Variants in YEATS4 observed in about 807,000 individuals in gnomAD.
YEATS4 encodes YEATS domain-containing protein 4.
Under a neutral mutation model 30.1 loss-of-function variants are expected in YEATS4, and 17 were observed. The ratio of observed to expected loss-of-function variants is 0.56; its 90% confidence interval spans 0.39 to 0.85. The LOEUF (loss-of-function observed/expected upper bound fraction) is 0.85, where lower values mean the gene tolerates loss of function less well. Ranked by LOEUF, YEATS4 falls within the 40% of genes least tolerant of loss-of-function variation. The pLI is 0.00. For missense variants in YEATS4, 142 were observed against 268.3 expected, an observed-to-expected ratio of 0.53 and a Z score of 3.29; for synonymous variants, 85 against 87.5, an observed-to-expected ratio of 0.97 and a Z score of 0.16.
intron 2 of YEATS4, 29 bp from the exon 3 acceptor site, chr12:69,365,604 A>G (rs965506785): frequency 6.5e-7 from 1 of 1,529,140 alleles, no homozygotes. Context: ...TTTGTAGATC[A>G]TAAAACTAAC....
At chr12:69,418,302 A>T in the YEATS4 span, among the ~76,000 whole-genome samples, 1 of 152,198 alleles carries the variant, frequency 6.6e-6, no homozygotes, top group Non-Finnish European at 1.5e-5. Flanking sequence ...AAATACAAAA[A>T]TTAGCGGGGT....
downstream of YEATS4, among the ~76,000 whole-genome samples, chr12:69,391,429 T>C (rs1006031862): frequency 6.6e-6 from 1 of 152,220 alleles, no homozygotes; most frequent in African/African-American, 2.4e-5. Flanking sequence ...GTCCTCTACT[T>C]TTAGACTCAT....
At chr12:69,367,017 A>G (rs572001199) in intron 4 of YEATS4, among the ~76,000 whole-genome samples, 10 of 152,326 alleles carry the variant, frequency 6.6e-5, no homozygotes, top group South Asian at 2.1e-4. Flanking sequence ...TTGGGACCCA[A>G]TGACGTAGAC....
chr12:69,412,560 G>A, the YEATS4 span, among the ~76,000 whole-genome samples: 1 of 152,162 alleles, frequency 6.6e-6, no homozygotes, highest in Admixed American at 6.5e-5. Flanking sequence ...GGTTGAGGCA[G>A]GAGAATCACT....
At chr12:69,387,328 G>A (rs1413212881) in intron 6 of YEATS4, among the ~76,000 whole-genome samples, 1 of 152,216 alleles carries the variant, frequency 6.6e-6, no homozygotes, top group Non-Finnish European at 1.5e-5. Flanking sequence ...AGTTGATGCA[G>A]TAGGGAAACA....
At chr12:69,379,928 C>T (rs1876011400) in intron 6 of YEATS4, among the ~76,000 whole-genome samples, 1 of 152,078 alleles carries the variant, frequency 6.6e-6, no homozygotes, top group South Asian at 2.1e-4. Context: ...TCAACTCCAG[C>T]ATTTCTGCTC....
chr12:69,395,303 T>G (rs543497060), downstream of YEATS4, among the ~76,000 whole-genome samples: 23 of 150,890 alleles, frequency 1.5e-4, no homozygotes, highest in Admixed American at 1.4e-3. Flanking sequence ...TTATTTACAA[T>G]AAAAAATAGA....
the YEATS4 span, among the ~76,000 whole-genome samples, chr12:69,406,423 G>T: frequency 6.6e-6 from 1 of 152,150 alleles, no homozygotes; most frequent in Non-Finnish European, 1.5e-5. Context: ...CACCCCCTTG[G>T]TTCAAGTGAT....
the YEATS4 span, among the ~76,000 whole-genome samples, chr12:69,405,656 C>T: frequency 2.6e-5 from 4 of 152,152 alleles, no homozygotes; most frequent in Admixed American, 1.3e-4. Flanking sequence ...GACTAATAGG[C>T]GGGTAATGCA....
intron 6 of YEATS4, among the ~76,000 whole-genome samples, chr12:69,379,074 C>G (rs1875973088): frequency 6.6e-6 from 1 of 152,186 alleles, no homozygotes; most frequent in Non-Finnish European, 1.5e-5. Flanking sequence ...AAATGTCATG[C>G]CACTTTCTAC....
chr12:69,367,621 C>A (rs557441429), intron 4 of YEATS4, among the ~76,000 whole-genome samples: 86 of 152,336 alleles, frequency 5.6e-4, no homozygotes, highest in African/African-American at 1.9e-3. Context: ...TCGCCTTGCC[C>A]TCCCAAGGTG....
intron 6 of YEATS4, among the ~76,000 whole-genome samples, chr12:69,372,537 GTT>G (rs71094710): frequency 1.6e-5 from 2 of 123,034 alleles, no homozygotes; most frequent in Admixed American, 9.1e-5. Flanking sequence ...TATCTCATGA[GTT>G]TTTTTTTTTT....
At chr12:69,422,778 A>G in the YEATS4 span, 1 of 153,480 alleles carries the variant, frequency 6.5e-6, no homozygotes, top group African/African-American at 2.4e-5. Context: ...CGTCATTAAA[A>G]ACAAAGTAGA....
At chr12:69,393,569 GAAAAGA>G (rs1326741825), downstream of YEATS4, among the ~76,000 whole-genome samples, 10 of 109,116 alleles carry the variant, frequency 9.2e-5, no homozygotes, top group Admixed American at 8.3e-4. Context: ...AATTGATAAA[GAAAAGA>G]AAAAAAAAAA....
chr12:69,405,046 A>G, the YEATS4 span, among the ~76,000 whole-genome samples: 2 of 152,200 alleles, frequency 1.3e-5, no homozygotes, highest in Non-Finnish European at 2.9e-5. Flanking sequence ...GGATAGAGTA[A>G]TCTTGTCTCT....
chr12:69,373,866 A>G (rs1211414177), intron 6 of YEATS4, among the ~76,000 whole-genome samples: 1 of 152,178 alleles, frequency 6.6e-6, no homozygotes, highest in African/African-American at 2.4e-5. Context: ...TCCTGGCACT[A>G]TTTATTGAAG....
chr12:69,401,430 A>G, the YEATS4 span, among the ~76,000 whole-genome samples: 148 of 152,244 alleles, frequency 9.7e-4, 2 homozygotes, highest in East Asian at 0.012. Flanking sequence ...AGCATGAGTA[A>G]AGGGCTAGCA....
rs1403268944 is a variant in YEATS4, at chr12:69,374,139, T to TG, written c.514+3165dup. Among the ~76,000 whole-genome samples the TG allele has an allele frequency of 5.5e-5, 6 of 108,944 alleles. No homozygotes were observed. In the East Asian group the frequency reaches 2.4e-3, roughly 44 times the overall value. 71.5% of individuals were successfully genotyped at this position (108,944 alleles called of 152,430 possible). A position where few individuals can be genotyped will look rare whatever the true frequency, so the allele number is the denominator to read the frequency against. On this transcript the variant is annotated intron_variant, in intron 6 of 6. Transcript: ENST00000247843. The stretch of plus-strand genomic sequence containing the variant: ...TGGTTCCACATAAAATTTTAGGTTT[T>TG]GTTTTTTTTTTTCTATTTCTGTGAA...
At chr12:69,371,755 A>T (rs1209797117) in intron 6 of YEATS4, among the ~76,000 whole-genome samples, 1 of 152,238 alleles carries the variant, frequency 6.6e-6, no homozygotes, top group Non-Finnish European at 1.5e-5. Context: ...GTATTAAATA[A>T]ACAGAACAAG....
Sources: gnomAD v4.1 joint callset for allele counts (sites outside exome capture counted in the v4.1 genomes callset) on GRCh38, gnomAD v4.1.1 for gene constraint, MANE v1.5 for transcripts, NCBI Gene and HGNC (gene_info 2026-07-23, HGNC 2026-07-21) for gene names.